Variants in TMTC2 observed in about 807,000 individuals in gnomAD.
TMTC2 encodes protein O-mannosyl-transferase TMTC2.
A neutral mutation model predicts 82.4 loss-of-function variants in TMTC2; 43 were observed. The ratio of observed to expected loss-of-function variants is 0.52; its 90% CI spans 0.41 to 0.67. TMTC2 has a LOEUF of 0.67. Ranked by LOEUF, TMTC2 falls within the 30% of genes least tolerant of loss-of-function variation. The probability of loss-of-function intolerance (pLI) is 0.00; values close to 1 mark genes in which losing one functional copy is unlikely to be tolerated. For missense variants in TMTC2, 919 were observed against 1,012.4 expected (o/e 0.91, Z 1.25); for synonymous variants, 408 against 381.9 (o/e 1.07, Z -0.80).
At position 82,795,382 on chromosome 12, in the gene TMTC2, C is replaced by T. The variant is rs185230547; in HGVS notation, c.84-61628C>T. 1.1e-3 allele frequency among the ~76,000 whole-genome samples: 170 copies of T among 151,180 alleles called. 1 individual carries two copies. Among genetic ancestry groups the T allele is most frequent in the Non-Finnish European group, 1.4e-3 (93 of 67,854 alleles). Reference sequence around the variant, plus strand: ...AGCCTGTATATTCTGTACGTTATATCCACTATAGAAAACTCTCAGTCATAT... The same window carrying T: ...AGCCTGTATATTCTGTACGTTATATTCACTATAGAAAACTCTCAGTCATAT... On this transcript the variant is annotated intron_variant, in intron 1 of 11. Transcript: ENST00000321196.
At chr12:82,918,714 T>TTC (rs61006862) in intron 3 of TMTC2, among the ~76,000 whole-genome samples, 11 of 148,466 alleles carry the variant, frequency 7.4e-5, no homozygotes, top group Non-Finnish European at 1.2e-4. Context: ...TTTTCTTTTC[T>TTC]TCTCTCTCTC....
At chr12:82,877,994 G>T (rs1258883691) in intron 2 of TMTC2, among the ~76,000 whole-genome samples, 1 of 152,204 alleles carries the variant, frequency 6.6e-6, no homozygotes, top group Non-Finnish European at 1.5e-5. Flanking sequence ...TAAGTACACA[G>T]ACACACAGAT....
At chr12:82,697,946 G>C (rs1872888215) in intron 1 of TMTC2, among the ~76,000 whole-genome samples, 1 of 152,188 alleles carries the variant, frequency 6.6e-6, no homozygotes, top group Non-Finnish European at 1.5e-5. Context: ...AGTTTAGGTA[G>C]CTGAAAGTAG....
chr12:82,925,212 T>C (rs1294434840), intron 3 of TMTC2, among the ~76,000 whole-genome samples: 1 of 152,196 alleles, frequency 6.6e-6, no homozygotes, highest in Non-Finnish European at 1.5e-5. Flanking sequence ...ATAACACTTA[T>C]CACTATCTGA....
intron 11 of TMTC2, among the ~76,000 whole-genome samples, chr12:83,116,145 G>C (rs184171937): frequency 7.2e-5 from 11 of 152,196 alleles, no homozygotes; most frequent in African/African-American, 2.6e-4. Flanking sequence ...TCATAGCTTA[G>C]CTCCCACTTA....
chr12:82,802,390 C>T (rs117382200), intron 1 of TMTC2, among the ~76,000 whole-genome samples: 4,595 of 152,270 alleles, frequency 0.03, 118 homozygotes, highest in Non-Finnish European at 0.042. Context: ...CGGAAAGGGG[C>T]TCCCACAGTG....
At chr12:82,711,461 A>G (rs4882521) in intron 1 of TMTC2, among the ~76,000 whole-genome samples, 8,784 of 152,114 alleles carry the variant, frequency 0.058, 494 homozygotes, top group African/African-American at 0.12. Context: ...AAAAAGGGCA[A>G]GAAACTATTT....
At chr12:82,915,376 A>G (rs1874942657) in intron 3 of TMTC2, among the ~76,000 whole-genome samples, 2 of 152,306 alleles carry the variant, frequency 1.3e-5, no homozygotes, top group Non-Finnish European at 2.9e-5. Context: ...TTTTACTATG[A>G]AATAGGAAGT....
chr12:82,806,744 G>A (rs1268257506), intron 1 of TMTC2, among the ~76,000 whole-genome samples: 6 of 152,124 alleles, frequency 3.9e-5, no homozygotes, highest in African/African-American at 1.4e-4. Flanking sequence ...AATAGAAGTG[G>A]ATCGTTATAA....
chr12:82,982,010 T>TC (rs1201091631), intron 7 of TMTC2, among the ~76,000 whole-genome samples: 1 of 151,320 alleles, frequency 6.6e-6, no homozygotes, highest in Non-Finnish European at 1.5e-5. Flanking sequence ...ACATTTGCTT[T>TC]TTTTTTTTTT....
chr12:82,954,085 A>AT (rs147677368), intron 4 of TMTC2, among the ~76,000 whole-genome samples: 3,572 of 152,090 alleles, frequency 0.023, 95 homozygotes, highest in East Asian at 0.15. Flanking sequence ...TATAGTCCTA[A>AT]TTTTCATTTG....
At position 82,686,967 on chromosome 12, in the gene TMTC2, G is replaced by A. The variant is rs1262114822; in HGVS notation, c.-620G>A. ...ACCGCTTCTCACTTCACTGGAGAAG[G>A]GAGCTGGGGCTGGGGCTGGGGCTGG... On this transcript the variant is annotated 5_prime_UTR_variant, in exon 1 of 12. Transcript: ENST00000321196. 1 of 152,200 alleles carries A rather than the reference G, an allele frequency of 6.6e-6. No homozygotes were observed. Among genetic ancestry groups the A allele is most frequent in the Non-Finnish European group, 1.5e-5 (1 of 67,564 alleles). 9.4% of individuals were successfully genotyped at this position (152,200 alleles called of 1,614,324 possible).
At chr12:82,874,256 C>T (rs1008177826) in intron 2 of TMTC2, among the ~76,000 whole-genome samples, 8 of 152,192 alleles carry the variant, frequency 5.3e-5, no homozygotes, top group Non-Finnish European at 1.2e-4. Context: ...CCTGAGTTCT[C>T]ACACAGGTTT....
chr12:82,704,628 C>G (rs2136903644), intron 1 of TMTC2, among the ~76,000 whole-genome samples: 1 of 150,666 alleles, frequency 6.6e-6, no homozygotes, highest in Admixed American at 6.6e-5. Context: ...GAGATGGAAA[C>G]TAATGAATCT....
Position 83,033,832 on chromosome 12 carries a change from GTA to G in TMTC2, c.2152+2961_2152+2962del, listed in dbSNP as rs59181459. Among the ~76,000 whole-genome samples, 590 of 148,334 alleles carry G rather than the reference GTA, an allele frequency of 4.0e-3. 4 individuals are homozygous for G. Among genetic ancestry groups the G allele is most frequent in the African/African-American group, 0.014 (565 of 39,782 alleles). Reference sequence around the variant, plus strand: ...TATATGTGTGTGTGTGTGTGTGTGTGTATATATATGTATGTGTATATATATAT... The same window carrying G: ...TATATGTGTGTGTGTGTGTGTGTGTGTATATATGTATGTGTATATATATAT... On this transcript the variant is annotated intron_variant, in intron 9 of 11. Transcript: ENST00000321196.
At chr12:82,738,862 A>G (rs1400236488) in intron 1 of TMTC2, among the ~76,000 whole-genome samples, 1 of 152,070 alleles carries the variant, frequency 6.6e-6, no homozygotes, top group Non-Finnish European at 1.5e-5. Context: ...GAAAAATGAT[A>G]CATGGCTGGG....
In TMTC2 at chr12:82,896,129, C is replaced by T. The variant is rs1416255167; in HGVS notation, c.966C>T (p.Leu322=). 3.1e-6 allele frequency: 5 copies of T among 1,613,876 alleles called. No homozygotes were observed. The highest frequency in any genetic ancestry group is 4.2e-6 in the Non-Finnish European group (5 of 1,180,036). Residue 322 remains leucine (L), a synonymous_variant, in exon 3 of 12, where the codon CTC becomes CTT. Coordinates refer to ENST00000321196, the MANE Select transcript of TMTC2 (RefSeq NM_152588.3). ...TGGCCTTCTATACTGGACTCCTTCT[C>T]CTTGCCTACTATGGTTTGAAGAGCC... ...HTVAFYTGLL[L]LAYYGLKSPS...
chr12:82,762,449 C>T (rs1395484176), intron 1 of TMTC2, among the ~76,000 whole-genome samples: 1 of 152,172 alleles, frequency 6.6e-6, no homozygotes, highest in South Asian at 2.1e-4. Flanking sequence ...AGCCTTGCCA[C>T]CAAACAATTC....
intron 11 of TMTC2, among the ~76,000 whole-genome samples, chr12:83,110,959 T>C (rs1216388207): frequency 1.2e-4 from 19 of 152,260 alleles, no homozygotes. Context: ...GTCAAACTAC[T>C]AAACTGAATT....
Sources: allele counts gnomAD v4.1 joint callset (sites outside exome capture counted in the v4.1 genomes callset), GRCh38; gene constraint gnomAD v4.1.1; transcripts MANE v1.5; gene names NCBI Gene and HGNC (gene_info 2026-07-23, HGNC 2026-07-21).